CSTF3: variants seen among roughly 807,000 people sequenced by gnomAD.
CSTF3 encodes the protein cleavage stimulation factor subunit 3, also known as CF-1 77 kDa subunit.
Under a neutral mutation model 105.8 loss-of-function variants are expected in CSTF3, and 29 were observed. That is an observed-to-expected ratio of 0.27 (90% confidence interval 0.20 to 0.37). The LOEUF is 0.37. Among genes scored for constraint, CSTF3 ranks in the 10% least tolerant of loss-of-function variants. The pLI is 1.00. For missense variants in CSTF3, 357 were observed against 879.3 expected (o/e 0.41, Z 7.51); for synonymous variants, 252 against 281.9 (o/e 0.89, Z 1.06).
At chr11:33,127,085 C>T (rs555435247) in intron 3 of CSTF3, among the ~76,000 whole-genome samples, 47 of 152,114 alleles carry the variant, frequency 3.1e-4, no homozygotes, top group Non-Finnish European at 6.0e-4. Context: ...AGACAAAAGC[C>T]CTAAGGGAGG....
intron 3 of CSTF3, among the ~76,000 whole-genome samples, chr11:33,135,827 G>A (rs560195828): frequency 5.3e-5 from 8 of 152,144 alleles, no homozygotes; most frequent in East Asian, 3.9e-4. Context: ...GACTTAAAAC[G>A]TCAACAGTAC....
chr11:33,094,951 T>A lies in CSTF3; in HGVS notation c.1375+1355A>T, dbSNP rs1855203451. Among the ~76,000 whole-genome samples the A allele has an allele frequency of 2.6e-5, 4 of 152,282 alleles. No individual in the cohort carries two copies. In the South Asian group the frequency reaches 8.3e-4, roughly 32 times the overall value. ...TTCGCTCTTGTTGCCCAGGCTGGAG[T>A]ACAATGGCGCAATCTCGGCTCACCG... On this transcript the variant is annotated intron_variant, in intron 15 of 20. Transcript: ENST00000323959.
intron 3 of CSTF3, among the ~76,000 whole-genome samples, chr11:33,136,378 A>G (rs1043583269): frequency 2.0e-5 from 3 of 152,078 alleles, no homozygotes; most frequent in Admixed American, 6.6e-5. Flanking sequence ...ATTGAAAGTA[A>G]TAAGTTACAA....
chr11:33,088,950 AT>A (rs1316050606), intron 17 of CSTF3, among the ~76,000 whole-genome samples: 2 of 152,130 alleles, frequency 1.3e-5, no homozygotes, highest in Non-Finnish European at 2.9e-5. Flanking sequence ...CTTAATTTTC[AT>A]TTTCATCTTG....
chr11:33,086,657 C>CAGGGA (rs1855108960), intron 18 of CSTF3, among the ~76,000 whole-genome samples: 1 of 152,188 alleles, frequency 6.6e-6, no homozygotes. Flanking sequence ...AGGCTGGTCT[C>CAGGGA]AAACTCCTGA....
At position 33,161,285 on chromosome 11, in the gene CSTF3, C is replaced by T. The variant is rs760211292; in HGVS notation, c.27+14G>A. Reference sequence around the variant, plus strand: ...AAGAGGTCGCCACGAGGCCCCACCACTCTCCTTCCTCACCTGCTCCGTGGC... The same window carrying T: ...AAGAGGTCGCCACGAGGCCCCACCATTCTCCTTCCTCACCTGCTCCGTGGC... On this transcript the variant is annotated intron_variant, in intron 1 of 20. Coordinates refer to ENST00000323959, the MANE Select transcript of CSTF3 (RefSeq NM_001326.3). 2 of 1,613,152 alleles carry T rather than the reference C, an allele frequency of 1.2e-6. No individual in the cohort carries two copies. The highest frequency in any genetic ancestry group is 1.7e-5 in the Admixed American group (1 of 60,008).
chr11:33,119,150 C>T (rs1440902969), intron 3 of CSTF3, among the ~76,000 whole-genome samples: 1 of 151,746 alleles, frequency 6.6e-6, no homozygotes, highest in Non-Finnish European at 1.5e-5. Context: ...CTTCTCACTA[C>T]ATACAAATTG....
chr11:33,108,952 A>C (rs1855352983), intron 3 of CSTF3, among the ~76,000 whole-genome samples: 1 of 152,176 alleles, frequency 6.6e-6, no homozygotes, highest in African/African-American at 2.4e-5. Context: ...GGAAAATAAG[A>C]CAACGAAGTG....
At chr11:33,125,601 C>T (rs1322244709) in intron 3 of CSTF3, among the ~76,000 whole-genome samples, 1 of 152,202 alleles carries the variant, frequency 6.6e-6, no homozygotes, top group Non-Finnish European at 1.5e-5. Context: ...CGCAACTTTT[C>T]TCAGTCCCTT....
At chr11:33,153,212 T>TA (rs915424050) in intron 1 of CSTF3, among the ~76,000 whole-genome samples, 6 of 152,178 alleles carry the variant, frequency 3.9e-5, no homozygotes, top group Admixed American at 2.6e-4. Flanking sequence ...TTCAATCTGT[T>TA]ACAATATATT....
chr11:33,160,584 G>C (rs991522764), intron 1 of CSTF3, among the ~76,000 whole-genome samples: 2 of 152,112 alleles, frequency 1.3e-5, no homozygotes, highest in Non-Finnish European at 2.9e-5. Context: ...TGAATACAAA[G>C]AGCAAAAGAA....
At chr11:33,117,457 C>T (rs1414135313) in intron 3 of CSTF3, among the ~76,000 whole-genome samples, 2 of 151,942 alleles carry the variant, frequency 1.3e-5, no homozygotes, top group Non-Finnish European at 2.9e-5. Context: ...ACTGCTAATA[C>T]TAGCAGCATT....
chr11:33,109,981 A>G (rs1281993204), intron 3 of CSTF3, among the ~76,000 whole-genome samples: 2 of 152,154 alleles, frequency 1.3e-5, no homozygotes, highest in African/African-American at 4.8e-5. Flanking sequence ...TTAGCCTATT[A>G]CTGTATTTGG....
intron 1 of CSTF3, among the ~76,000 whole-genome samples, chr11:33,146,530 G>A (rs907040674): frequency 6.6e-6 from 1 of 150,380 alleles, no homozygotes; most frequent in African/African-American, 2.4e-5. Flanking sequence ...TCTACCCCGA[G>A]TAAGAGAACA....
intron 1 of CSTF3, among the ~76,000 whole-genome samples, chr11:33,157,516 G>A (rs1427807215): frequency 6.6e-6 from 1 of 152,006 alleles, no homozygotes; most frequent in Non-Finnish European, 1.5e-5. Flanking sequence ...CTTCAGAAGA[G>A]ATCCTTGAAC....
intron 3 of CSTF3, among the ~76,000 whole-genome samples, chr11:33,124,617 A>G (rs1855524956): frequency 6.6e-6 from 1 of 152,206 alleles, no homozygotes; most frequent in Non-Finnish European, 1.5e-5. Flanking sequence ...ACTTATGAAA[A>G]CTTTCATTGG....
At chr11:33,105,084 A>G (rs1294877223) in intron 8 of CSTF3, among the ~76,000 whole-genome samples, 1 of 152,150 alleles carries the variant, frequency 6.6e-6, no homozygotes, top group Admixed American at 6.5e-5. Flanking sequence ...CTTATTTGGC[A>G]TGTGTATTTA....
intron 1 of CSTF3, among the ~76,000 whole-genome samples, chr11:33,150,415 T>A (rs979401584): frequency 2.0e-5 from 3 of 152,122 alleles, no homozygotes; most frequent in Non-Finnish European, 4.4e-5. Flanking sequence ...ATATCATTTT[T>A]CAGGCGATGT....
intron 5 of CSTF3, among the ~76,000 whole-genome samples, chr11:33,106,524 T>C (rs1051201816): frequency 2.0e-5 from 3 of 151,654 alleles, no homozygotes; most frequent in African/African-American, 7.3e-5. Flanking sequence ...AGGCCAGGAG[T>C]CGGAGACAAG....
Sources: allele counts gnomAD v4.1 joint callset (sites outside exome capture counted in the v4.1 genomes callset), GRCh38; gene constraint gnomAD v4.1.1; transcripts MANE v1.5; gene names NCBI Gene and HGNC (gene_info 2026-07-23, HGNC 2026-07-21).